Variants in FSTL4 observed in about 807,000 individuals in gnomAD.
FSTL4 encodes the protein follistatin-related protein 4.
In FSTL4, 28 loss-of-function variants were observed where a neutral mutation model predicts 78.2. The ratio of observed to expected loss-of-function variants is 0.36; its 90% CI spans 0.27 to 0.49. The LOEUF is 0.49. Ranked by LOEUF, FSTL4 falls within the 20% of genes least tolerant of loss-of-function variation. FSTL4 has a pLI of 0.98. For synonymous variants in FSTL4, 422 were observed against 440.5 expected (o/e 0.96, Z 0.53); for missense variants, 922 against 1,084.9 (o/e 0.85, Z 2.11).
chr5:133,608,044 A>T (rs1451380888), intron 1 of FSTL4, among the ~76,000 whole-genome samples: 1 of 152,032 alleles, frequency 6.6e-6, no homozygotes, highest in Admixed American at 6.6e-5. Context: ...CAAATTAATT[A>T]CTCCTCAAAT....
chr5:133,699,033 G>A, the FSTL4 span, among the ~76,000 whole-genome samples: 1 of 152,220 alleles, frequency 6.6e-6, no homozygotes, highest in African/African-American at 2.4e-5. Context: ...TCTCAATACA[G>A]CCAGAAGGAG....
chr5:133,250,089 T>C (rs1752173705), intron 6 of FSTL4, among the ~76,000 whole-genome samples: 1 of 152,260 alleles, frequency 6.6e-6, no homozygotes, highest in Admixed American at 6.5e-5. Context: ...GGTTTGTTTC[T>C]GTCTAAGGAT....
the FSTL4 span, among the ~76,000 whole-genome samples, chr5:133,796,418 G>C: frequency 6.6e-6 from 1 of 152,178 alleles, no homozygotes; most frequent in Non-Finnish European, 1.5e-5. Flanking sequence ...CCGAGCTCTG[G>C]TCCAGCATCC....
intron 6 of FSTL4, among the ~76,000 whole-genome samples, chr5:133,286,963 C>T (rs1753143351): frequency 6.6e-6 from 1 of 152,172 alleles, no homozygotes; most frequent in Non-Finnish European, 1.5e-5. Flanking sequence ...ATCATTCTGT[C>T]TCTCTTACTT....
the FSTL4 span, among the ~76,000 whole-genome samples, chr5:133,819,500 C>T: frequency 3.3e-5 from 5 of 152,174 alleles, no homozygotes; most frequent in Non-Finnish European, 7.3e-5. Context: ...CTCTGTGCAA[C>T]GACACTCAGC....
chr5:133,489,462 C>A (rs868111244), intron 3 of FSTL4, among the ~76,000 whole-genome samples: 22 of 152,186 alleles, frequency 1.4e-4, no homozygotes, highest in African/African-American at 4.1e-4. Flanking sequence ...CAGGGGCTTC[C>A]ATTTTTCAAG....
the FSTL4 span, among the ~76,000 whole-genome samples, chr5:133,620,026 T>A: frequency 0.075 from 11,371 of 152,218 alleles, 442 homozygotes; most frequent in South Asian, 0.17. Context: ...TAATTTCTAT[T>A]TAATTAAATG....
rs909632878 is a variant in FSTL4 at position 133,361,838 on chromosome 5, C to G, written c.409+38900G>C. ...AGGACCAGGGATACCAGACATTTTG[C>G]ATTGTATAAGACAGTCCTTCACAAC... On this transcript the variant is annotated intron_variant, in intron 4 of 15. Coordinates refer to ENST00000265342, the MANE Select transcript of FSTL4 (RefSeq NM_015082.2). The surrounding 1 kb of genome is among the most constrained non-coding windows in gnomAD (Gnocchi z 4.3). Among the ~76,000 whole-genome samples, 1 of 152,180 alleles carries G rather than the reference C, an allele frequency of 6.6e-6. No individual in the cohort carries two copies. The highest frequency in any genetic ancestry group is 1.9e-4 in the East Asian group (1 of 5,194).
chr5:133,531,945 C>A (rs1056217387), intron 3 of FSTL4, among the ~76,000 whole-genome samples: 1 of 152,206 alleles, frequency 6.6e-6, no homozygotes. Context: ...GATGGAATAA[C>A]GGCCCCACAG....
intron 6 of FSTL4, among the ~76,000 whole-genome samples, chr5:133,301,600 C>T (rs983094425): frequency 3.3e-5 from 5 of 152,124 alleles, no homozygotes; most frequent in Admixed American, 6.5e-5. Flanking sequence ...TCCTTTGGGG[C>T]CCATTCCCAC....
chr5:133,369,405 C>T (rs1755243554), intron 4 of FSTL4, among the ~76,000 whole-genome samples: 1 of 152,176 alleles, frequency 6.6e-6, no homozygotes, highest in African/African-American at 2.4e-5. Context: ...GAGAGCCACA[C>T]CGAGACATCT....
At chr5:133,383,353 G>C (rs1334056746) in intron 4 of FSTL4, among the ~76,000 whole-genome samples, 1 of 152,158 alleles carries the variant, frequency 6.6e-6, no homozygotes, top group Non-Finnish European at 1.5e-5. Context: ...TTTTGGCTTT[G>C]AGATTCCTGG....
At chr5:133,255,621 A>G (rs2126829106) in intron 6 of FSTL4, among the ~76,000 whole-genome samples, 1 of 152,242 alleles carries the variant, frequency 6.6e-6, no homozygotes, top group East Asian at 1.9e-4. Flanking sequence ...GCTCAAGGCC[A>G]TGACCTATCT....
chr5:133,389,548 A>C (rs1755788980), intron 4 of FSTL4, among the ~76,000 whole-genome samples: 1 of 151,770 alleles, frequency 6.6e-6, no homozygotes, highest in Non-Finnish European at 1.5e-5. Context: ...CCCTTCTGAA[A>C]CCTCCTCCTT....
At chr5:133,393,929 A>C (rs930936202) in intron 4 of FSTL4, among the ~76,000 whole-genome samples, 9 of 152,222 alleles carry the variant, frequency 5.9e-5, no homozygotes, top group African/African-American at 2.2e-4. Flanking sequence ...ATGGCTCCTG[A>C]GCCTTCCTTC....
intron 5 of FSTL4, among the ~76,000 whole-genome samples, chr5:133,314,927 C>T (rs1753868648): frequency 6.6e-6 from 1 of 152,116 alleles, no homozygotes; most frequent in Non-Finnish European, 1.5e-5. Context: ...CTTTGAGAGG[C>T]CAAGGTGGGC....
rs181636388 is a variant in FSTL4, at chr5:133,208,577, G to A, written c.1716+1614C>T. On this transcript the variant is annotated intron_variant, in intron 14 of 15. Coordinates refer to ENST00000265342, the MANE Select transcript of FSTL4 (RefSeq NM_015082.2). ...TAAACTTCTGTTCTTCCCACTTCAC[G>A]GCTCAACCTCTTCATGGGTTTGCTC... Among the ~76,000 whole-genome samples, 195 of 152,204 alleles carry A rather than the reference G, an allele frequency of 1.3e-3. 1 individual carries two copies. The highest frequency in any genetic ancestry group is 3.1e-3 in the African/African-American group (128 of 41,512).
chr5:133,626,154 A>G, the FSTL4 span, among the ~76,000 whole-genome samples: 33 of 18,162 alleles, frequency 1.8e-3, no homozygotes, highest in East Asian at 3.8e-3. Flanking sequence ...CCATATATAT[A>G]TATTCCATAT....
intron 6 of FSTL4, among the ~76,000 whole-genome samples, chr5:133,294,130 C>G (rs1753331707): frequency 6.6e-6 from 1 of 152,160 alleles, no homozygotes; most frequent in Non-Finnish European, 1.5e-5. Flanking sequence ...TTACACCCTC[C>G]TCTCAGTTTC....
Sources: allele counts gnomAD v4.1 joint callset (sites outside exome capture counted in the v4.1 genomes callset), GRCh38; gene constraint gnomAD v4.1.1; non-coding constraint Gnocchi (gnomAD v3.1); transcripts MANE v1.5; gene names NCBI Gene and HGNC (gene_info 2026-07-23, HGNC 2026-07-21).